Variants in SEL1L2 observed in about 807,000 individuals in gnomAD.
The protein encoded by SEL1L2 is SEL1L2 adaptor subunit of SYVN1 ubiquitin ligase, also known as protein sel-1 homolog 2.
SEL1L2 carries 89 observed loss-of-function variants against 98.8 expected under a neutral mutation model. The observed-to-expected ratio is 0.90, with a 90% CI of 0.76 to 1.07. The LOEUF is 1.07. Among genes scored for constraint, SEL1L2 ranks in the 50% least tolerant of loss-of-function variants. The probability of loss-of-function intolerance (pLI) is 0.00; values close to 1 mark genes in which losing one functional copy is unlikely to be tolerated. For missense variants in SEL1L2, 788 were observed against 812.0 expected (o/e 0.97, Z 0.36); for synonymous variants, 262 against 278.5 (o/e 0.94, Z 0.59).
At chr20:13,925,980 G>T (rs2048873160) in intron 3 of SEL1L2, among the ~76,000 whole-genome samples, 1 of 152,162 alleles carries the variant, frequency 6.6e-6, no homozygotes, top group African/African-American at 2.4e-5. Flanking sequence ...GAGCAGGTTG[G>T]GCTCCTTGAT....
chr20:13,925,890 T>TA (rs1207445812), intron 3 of SEL1L2, among the ~76,000 whole-genome samples: 1 of 152,256 alleles, frequency 6.6e-6, no homozygotes, highest in East Asian at 1.9e-4. Flanking sequence ...AGTTTCCTTT[T>TA]AAAATCAGTT....
At chr20:13,867,006 G>A (rs1250103184) in intron 14 of SEL1L2, among the ~76,000 whole-genome samples, 156 bp from the exon 15 acceptor site, 1 of 152,176 alleles carries the variant, frequency 6.6e-6, no homozygotes, top group African/African-American at 2.4e-5. Flanking sequence ...TTGTGAAGGT[G>A]GGGGTGAACA....
chr20:13,972,049 G>C (rs1311446935), intron 1 of SEL1L2, among the ~76,000 whole-genome samples: 1 of 152,032 alleles, frequency 6.6e-6, no homozygotes, highest in Admixed American at 6.6e-5. Context: ...CTCTGTGTGT[G>C]TGAGGACACA....
At chr20:13,876,919 G>A (rs2046458759) in intron 11 of SEL1L2, among the ~76,000 whole-genome samples, 1 of 152,154 alleles carries the variant, frequency 6.6e-6, no homozygotes, top group Non-Finnish European at 1.5e-5. Flanking sequence ...TGCCTCCCAG[G>A]TTCAAGTGAT....
At chr20:13,867,264 G>A (rs193024563) in intron 14 of SEL1L2, among the ~76,000 whole-genome samples, 19 of 152,198 alleles carry the variant, frequency 1.2e-4, no homozygotes, top group East Asian at 1.9e-4. Context: ...TGACTATGGC[G>A]TATGCAGCAG....
intron 15 of SEL1L2, among the ~76,000 whole-genome samples, chr20:13,866,066 C>A (rs566298504): frequency 1.3e-5 from 2 of 152,196 alleles, no homozygotes; most frequent in East Asian, 3.9e-4. Flanking sequence ...ATACATAATT[C>A]ATTAGGAAGT....
chr20:13,958,283 ACTT>A (rs1431384410), intron 1 of SEL1L2, among the ~76,000 whole-genome samples: 1 of 152,190 alleles, frequency 6.6e-6, no homozygotes, highest in African/African-American at 2.4e-5. Context: ...TATGGAACCT[ACTT>A]CTTTAAAGGA....
intron 11 of SEL1L2, 21 bp downstream of exon 11, chr20:13,877,499 G>C (rs2147915279): frequency 6.3e-7 from 1 of 1,578,412 alleles, no homozygotes; most frequent in East Asian, 2.2e-5. Flanking sequence ...TGAAAACAAT[G>C]AATCAAGATG....
intron 5 of SEL1L2, among the ~76,000 whole-genome samples, chr20:13,892,643 G>GA (rs986700043): frequency 1.4e-4 from 21 of 152,196 alleles, no homozygotes; most frequent in South Asian, 8.3e-4. Flanking sequence ...AAGATGTACA[G>GA]AAAAAAATAA....
At chr20:13,957,695 T>C (rs982985345) in intron 1 of SEL1L2, among the ~76,000 whole-genome samples, 1 of 152,104 alleles carries the variant, frequency 6.6e-6, no homozygotes, top group Non-Finnish European at 1.5e-5. Context: ...CTGGGCAACA[T>C]AGTGAGACCC....
At chr20:13,944,109 C>G (rs1295986462) in intron 2 of SEL1L2, among the ~76,000 whole-genome samples, 1 of 152,090 alleles carries the variant, frequency 6.6e-6, no homozygotes, top group African/African-American at 2.4e-5. Context: ...ATTTGTCTGT[C>G]TTCTATTACT....
intron 2 of SEL1L2, among the ~76,000 whole-genome samples, chr20:13,939,489 G>A (rs551753554): frequency 8.5e-5 from 13 of 152,160 alleles, no homozygotes; most frequent in African/African-American, 2.9e-4. Flanking sequence ...CCCTGTGGCT[G>A]CCTAGGCTGT....
chr20:13,990,132 C>G (rs893074517), intron 1 of SEL1L2, among the ~76,000 whole-genome samples: 17 of 152,086 alleles, frequency 1.1e-4, no homozygotes, highest in Admixed American at 1.1e-3. Context: ...CCTTTAAAGT[C>G]TTGGAACTAG....
chr20:13,908,414 G>A (rs1049194332), intron 5 of SEL1L2, among the ~76,000 whole-genome samples: 7 of 152,096 alleles, frequency 4.6e-5, no homozygotes, highest in African/African-American at 7.2e-5. Context: ...GTCAGCCACC[G>A]TGTCTGGCCA....
intron 1 of SEL1L2, among the ~76,000 whole-genome samples, chr20:13,974,569 C>T (rs962044102): frequency 6.8e-6 from 1 of 147,676 alleles, no homozygotes; most frequent in Non-Finnish European, 1.5e-5. Flanking sequence ...ACCTCCGCCT[C>T]CTGTGTTCAA....
At chr20:13,883,406 C>A (rs991720537) in intron 10 of SEL1L2, among the ~76,000 whole-genome samples, 2 of 152,108 alleles carry the variant, frequency 1.3e-5, no homozygotes, top group African/African-American at 2.4e-5. Flanking sequence ...TGGCCTGGGT[C>A]AAATAAAGTT....
In SEL1L2 at chr20:13,923,625, G is replaced by A. The variant is rs191414206; in HGVS notation, c.284-4502C>T. ...AAAAATTAGCTGAGCATAGTGGCAC[G>A]TGCCTGTAGTCCCAGCTATTCGGGA... On this transcript the variant is annotated intron_variant, in intron 3 of 19. Coordinates refer to ENST00000284951, the MANE Select transcript of SEL1L2 (RefSeq NM_025229.2). Among the ~76,000 whole-genome samples, 222 of 152,232 alleles carry A rather than the reference G, an allele frequency of 1.5e-3. 1 individual carries two copies. Among genetic ancestry groups the A allele is most frequent in the African/African-American group, 5.2e-3 (214 of 41,534 alleles).
chr20:13,940,214 T>C (rs2148367478), intron 2 of SEL1L2, among the ~76,000 whole-genome samples: 1 of 152,196 alleles, frequency 6.6e-6, no homozygotes, highest in South Asian at 2.1e-4. Context: ...AAGTCAAATA[T>C]GGGGTGAAGA....
At chr20:13,888,764 G>A (rs1356651871) in intron 5 of SEL1L2, among the ~76,000 whole-genome samples, 4 of 147,012 alleles carry the variant, frequency 2.7e-5, no homozygotes, top group Non-Finnish European at 4.5e-5. Flanking sequence ...TCAGTCTCTC[G>A]AGTAGCTGGG....
Sources: allele counts gnomAD v4.1 joint callset (sites outside exome capture counted in the v4.1 genomes callset), GRCh38; gene constraint gnomAD v4.1.1; transcripts MANE v1.5; gene names NCBI Gene and HGNC (gene_info 2026-07-23, HGNC 2026-07-21).